Variants in GULP1 observed in about 807,000 individuals in gnomAD.
GULP1 encodes the protein GULP PTB domain containing engulfment adaptor 1.
In GULP1, 19 loss-of-function variants were observed where a neutral mutation model predicts 40.9. The observed-to-expected ratio is 0.46, with a 90% CI of 0.32 to 0.68. The LOEUF (loss-of-function observed/expected upper bound fraction) is 0.68, where lower values mean the gene tolerates loss of function less well. Ranked by LOEUF, GULP1 falls within the 30% of genes least tolerant of loss-of-function variation. GULP1 has a pLI of 0.03. For synonymous variants in GULP1, 119 were observed against 117.6 expected (o/e 1.01, Z -0.08); for missense variants, 312 against 362.2 (o/e 0.86, Z 1.12).
intron 2 of GULP1, among the ~76,000 whole-genome samples, chr2:188,423,892 T>C (rs554672109): frequency 9.9e-4 from 150 of 151,980 alleles, no homozygotes; most frequent in South Asian, 1.9e-3. Flanking sequence ...CTATAATGTT[T>C]CTATTTTCTA....
chr2:188,297,630 T>C (rs1235035009), intron 1 of GULP1: 3 of 406,810 alleles, frequency 7.4e-6, no homozygotes, highest in Non-Finnish European at 1.5e-5. Context: ...GACTGAATAC[T>C]GTGGGCTCAG....
intron 11 of GULP1, 169 bp from the exon 12 acceptor site, chr2:188,593,771 C>A: frequency 2.0e-6 from 1 of 490,752 alleles, no homozygotes. Context: ...AAAGAACTAC[C>A]AGTGCTATAC....
intron 1 of GULP1, among the ~76,000 whole-genome samples, chr2:188,355,383 T>C (rs1370565580): frequency 6.6e-6 from 1 of 152,026 alleles, no homozygotes; most frequent in Non-Finnish European, 1.5e-5. Context: ...AAAGAATCAT[T>C]AGAGACTATT....
chr2:188,379,939 G>A (rs757844217), intron 1 of GULP1, among the ~76,000 whole-genome samples: 5 of 152,150 alleles, frequency 3.3e-5, no homozygotes, highest in Non-Finnish European at 5.9e-5. Context: ...TCTCTTTGAG[G>A]AAGACTTTTC....
At chr2:188,477,943 A>T (rs1251621299) in intron 3 of GULP1, among the ~76,000 whole-genome samples, 1 of 152,186 alleles carries the variant, frequency 6.6e-6, no homozygotes, top group African/African-American at 2.4e-5. Context: ...CACTGAGTTC[A>T]CAATACATAT....
At chr2:188,492,100 C>T (rs189537149) in intron 4 of GULP1, among the ~76,000 whole-genome samples, 1 of 151,994 alleles carries the variant, frequency 6.6e-6, no homozygotes, top group Middle Eastern at 3.4e-3. Context: ...CAGATGTGAT[C>T]GCAAAGCAGT....
At chr2:188,521,630 G>T (rs150812702) in intron 4 of GULP1, among the ~76,000 whole-genome samples, 9 of 152,046 alleles carry the variant, frequency 5.9e-5, no homozygotes, top group African/African-American at 1.9e-4. Flanking sequence ...TCATGAGACC[G>T]GCATGGGAAA....
chr2:188,447,177 A>G (rs2152898990), intron 2 of GULP1, among the ~76,000 whole-genome samples: 1 of 152,340 alleles, frequency 6.6e-6, no homozygotes, highest in Admixed American at 6.5e-5. Context: ...CTGGGTTACT[A>G]TAAAGAGTTG....
In GULP1 at chr2:188,473,126, T is replaced by C. The variant is rs1575476860; in HGVS notation, c.-44-4533T>C. 4.6e-5 allele frequency among the ~76,000 whole-genome samples: 7 copies of C among 152,088 alleles called. 1 individual carries two copies. In the South Asian group the frequency reaches 1.5e-3, roughly 32 times the overall value. ...GTTGACCTCTTCTCTTCTTCTTTTC[T>C]TTTTCTTTCAAACAAATGGGGTCTC... is the stretch of plus-strand genomic sequence containing the variant. On this transcript the variant is annotated intron_variant, in intron 2 of 11. Transcript: ENST00000409830.
intron 2 of GULP1, chr2:188,466,690 A>C (rs188855483): frequency 2.0e-4 from 31 of 152,076 alleles, no homozygotes; most frequent in Admixed American, 1.6e-3. Flanking sequence ...AACTAATCTC[A>C]TAATGTGTGA....
chr2:188,393,680 G>C (rs528036626), intron 2 of GULP1, among the ~76,000 whole-genome samples: 1 of 152,178 alleles, frequency 6.6e-6, no homozygotes, highest in East Asian at 1.9e-4. Flanking sequence ...TGAGTTTTAT[G>C]CTTTCAAGAG....
chr2:188,411,034 T>G (rs2053806476), intron 2 of GULP1, among the ~76,000 whole-genome samples: 1 of 152,032 alleles, frequency 6.6e-6, no homozygotes, highest in Non-Finnish European at 1.5e-5. Context: ...ACTTGGGAGG[T>G]CGGCAATGTC....
intron 4 of GULP1, among the ~76,000 whole-genome samples, chr2:188,500,484 GTGA>G (rs2063333482): frequency 6.6e-6 from 1 of 151,852 alleles, no homozygotes; most frequent in Admixed American, 6.6e-5. Flanking sequence ...TTGCTCAAAG[GTGA>G]TGATTTAGGA....
chr2:188,575,343 G>A (rs896256724), intron 9 of GULP1, among the ~76,000 whole-genome samples: 26 of 152,202 alleles, frequency 1.7e-4, no homozygotes, highest in Non-Finnish European at 2.4e-4. Flanking sequence ...ATTTCCATAC[G>A]TCTAGGCTCT....
chr2:188,339,412 G>GGTTTTAGA (rs1311330976), intron 1 of GULP1, among the ~76,000 whole-genome samples: 1 of 152,070 alleles, frequency 6.6e-6, no homozygotes, highest in Non-Finnish European at 1.5e-5. Context: ...TCATTAGATG[G>GGTTTTAGA]GTTTTAGAGA....
chr2:188,515,866 G>A (rs1384242938), intron 4 of GULP1, among the ~76,000 whole-genome samples: 1 of 152,022 alleles, frequency 6.6e-6, no homozygotes, highest in Non-Finnish European at 1.5e-5. Flanking sequence ...AAATTAACAG[G>A]TTATCTTCTG....
chr2:188,486,016 C>T (rs1282840485), intron 4 of GULP1, among the ~76,000 whole-genome samples: 1 of 151,976 alleles, frequency 6.6e-6, no homozygotes, highest in South Asian at 2.1e-4. Context: ...GGCACTATAA[C>T]TTAGCCAAGT....
chr2:188,482,404 G>T (rs1405814674), intron 3 of GULP1, among the ~76,000 whole-genome samples: 1 of 151,728 alleles, frequency 6.6e-6, no homozygotes, highest in Non-Finnish European at 1.5e-5. Flanking sequence ...GTTTGTATTT[G>T]TATGTTTCAT....
intron 1 of GULP1, among the ~76,000 whole-genome samples, chr2:188,336,733 G>A (rs1035955038): frequency 3.3e-5 from 5 of 152,174 alleles, no homozygotes; most frequent in African/African-American, 1.2e-4. Flanking sequence ...TTTGAAGGCT[G>A]AAGGAGGCTC....
Sources: gnomAD v4.1 joint callset for allele counts (sites outside exome capture counted in the v4.1 genomes callset) on GRCh38, gnomAD v4.1.1 for gene constraint, MANE v1.5 for transcripts, NCBI Gene and HGNC (gene_info 2026-07-23, HGNC 2026-07-21) for gene names.